The following PPIG variants were observed in gnomAD, a reference collection of about 807,000 sequenced individuals.
PPIG encodes the protein peptidyl-prolyl cis-trans isomerase G.
In PPIG, 26 loss-of-function variants were observed where a neutral mutation model predicts 87.9. The observed-to-expected ratio is 0.30, with a 90% CI of 0.22 to 0.41. The LOEUF is 0.41. Ranked by LOEUF, PPIG falls within the 10% of genes least tolerant of loss-of-function variation. The pLI, the probability that PPIG is intolerant of heterozygous loss-of-function variation, is 1.00. For synonymous variants in PPIG, 308 were observed against 276.5 expected, an observed-to-expected ratio of 1.11 and a Z score of -1.13; for missense variants, 722 against 879.4, an observed-to-expected ratio of 0.82 and a Z score of 2.26.
rs1421079906 is a variant in PPIG, at chr2:169,637,614, T to C, written c.*91T>C. On this transcript the variant is annotated 3_prime_UTR_variant, in exon 14 of 14. Coordinates refer to ENST00000260970, the MANE Select transcript of PPIG (RefSeq NM_004792.3). ...CTCCTTTATGTTGTTTTCCTTTTCA[T>C]TGTTTTTGGATTGTTTTATGTTTGT... is the stretch of plus-strand genomic sequence containing the variant. The C allele has an allele frequency of 4.6e-6, 6 of 1,307,012 alleles. No individual in the cohort carries two copies. In the East Asian group the frequency reaches 1.4e-4, roughly 31 times the overall value. The allele number at this position is 1,307,012 out of a possible 1,614,324, so 81.0% of individuals were successfully genotyped here.
intron 6 of PPIG, among the ~76,000 whole-genome samples, chr2:169,608,454 C>G (rs1559180692): frequency 6.6e-6 from 1 of 151,508 alleles, no homozygotes. Flanking sequence ...TGGGCCACTG[C>G]ACTCCAGCCT....
In PPIG at chr2:169,631,125, A is replaced by G. The variant is rs770753128; in HGVS notation, c.761+138A>G. On this transcript the variant is annotated intron_variant, in intron 10 of 13. Transcript: ENST00000260970. ...TGGAGCGTAGGACTTTTGATATTCC[A>G]CAGTCTATAGATTAAATTTTGGGTA... 43 of 803,472 alleles carry G rather than the reference A, an allele frequency of 5.4e-5. No individual in the cohort carries two copies. The Middle Eastern group carries it at 5.2e-3, about 98-fold the overall frequency. 49.8% of individuals were successfully genotyped at this position (803,472 alleles called of 1,614,324 possible).
At chr2:169,593,650 C>CTTTTTTT (rs57902378) in intron 1 of PPIG, among the ~76,000 whole-genome samples, 2 of 106,204 alleles carry the variant, frequency 1.9e-5, no homozygotes, top group Non-Finnish European at 3.6e-5. Context: ...TGCTTTATAT[C>CTTTTTTT]TTTTTTTTTT....
chr2:169,607,750 G>A (rs115597105), intron 6 of PPIG, among the ~76,000 whole-genome samples: 1,843 of 152,256 alleles, frequency 0.012, 53 homozygotes, highest in African/African-American at 0.043. Context: ...CTCCTTTTGC[G>A]GTAAGTGATG....
chr2:169,621,928 C>CA (rs1256622398), intron 9 of PPIG, among the ~76,000 whole-genome samples: 55 of 103,278 alleles, frequency 5.3e-4, no homozygotes, highest in South Asian at 1.0e-3. Flanking sequence ...TCTTCCCTAC[C>CA]AAAAAAAAAA....
intron 1 of PPIG, among the ~76,000 whole-genome samples, chr2:169,590,137 A>AAG (rs747390448): frequency 2.0e-5 from 3 of 151,916 alleles, no homozygotes; most frequent in East Asian, 1.9e-4. Flanking sequence ...ACCAAAAAAA[A>AAG]AAAAGAAAAG....
rs1686213092 is a variant in PPIG, at chr2:169,637,463, AAAAAAT to A, written c.2211_2216del (p.Asn737_Lys738del). The stretch of plus-strand genomic sequence containing the variant: ...GTCAAGAAAATGACCATGTACATGA[AAAAAAT>A]AAAAAATTTGATCATGAATCAAGCC... On this transcript the variant is annotated inframe_deletion, in exon 14 of 14. Transcript: ENST00000260970. 5.6e-6 allele frequency: 9 copies of A among 1,604,224 alleles called. No individual in the cohort carries two copies. In the East Asian group the frequency reaches 2.0e-4, roughly 36 times the overall value.
chr2:169,610,958 C>T (rs187546619), intron 7 of PPIG, among the ~76,000 whole-genome samples: 2 of 152,286 alleles, frequency 1.3e-5, no homozygotes, highest in Admixed American at 6.5e-5. Flanking sequence ...GTAATCCCAA[C>T]ACTTTGGGAA....
At chr2:169,606,017 T>C in intron 4 of PPIG, 22 bp from the exon 5 acceptor site, 1 of 1,521,024 alleles carries the variant, frequency 6.6e-7, no homozygotes, top group Non-Finnish European at 9.1e-7. Flanking sequence ...CTATTAAATG[T>C]CCTATTTTTT....
At position 169,627,241 on chromosome 2, in the gene PPIG, C is replaced by T. The variant is rs1191500844; in HGVS notation, c.548-3533C>T. On this transcript the variant is annotated intron_variant, in intron 9 of 13. Transcript: ENST00000260970. ...AGCCTCCCTAGTAGCTGGGATTACG[C>T]GTGTGCACCACCACACTTGGCTAAT... Among the ~76,000 whole-genome samples, 8 of 151,746 alleles carry T rather than the reference C, an allele frequency of 5.3e-5. No homozygotes were observed. The East Asian group carries it at 1.2e-3, about 22-fold the overall frequency.
chr2:169,610,972 G>T (rs920748154), intron 7 of PPIG, among the ~76,000 whole-genome samples: 1 of 152,150 alleles, frequency 6.6e-6, no homozygotes, highest in Non-Finnish European at 1.5e-5. Context: ...TTGGGAAGCC[G>T]AGGTGGCGGG....
intron 1 of PPIG, among the ~76,000 whole-genome samples, chr2:169,602,084 AATT>A (rs905082316): frequency 2.0e-5 from 3 of 152,178 alleles, no homozygotes; most frequent in Non-Finnish European, 4.4e-5. Context: ...TCATGCACAA[AATT>A]ATTTTTTAAG....
chr2:169,611,272 GACAC>G (rs1485415625), intron 7 of PPIG, among the ~76,000 whole-genome samples: 1 of 152,026 alleles, frequency 6.6e-6, no homozygotes, highest in Non-Finnish European at 1.5e-5. Flanking sequence ...ACACAGATAA[GACAC>G]ACACACAAAA....
At chr2:169,627,181 C>G (rs1236917959) in intron 9 of PPIG, among the ~76,000 whole-genome samples, 5 of 152,210 alleles carry the variant, frequency 3.3e-5, no homozygotes, top group Non-Finnish European at 7.3e-5. Context: ...TTACTGCAAT[C>G]TCCACCTTTG....
chr2:169,622,154 C>T (rs1685775339), intron 9 of PPIG, among the ~76,000 whole-genome samples: 1 of 152,116 alleles, frequency 6.6e-6, no homozygotes, highest in African/African-American at 2.4e-5. Context: ...CAGGCTCTGG[C>T]TTACGCCTGT....
chr2:169,637,658 G>A lies in PPIG; in HGVS notation c.*135G>A. On this transcript the variant is annotated 3_prime_UTR_variant, in exon 14 of 14. Transcript: ENST00000260970. ...TGTTTGTCCTTTTTTTTCTTAATGT[G>A]GATTTCATTGAGTTGATTTTTTGAT... The A allele has an allele frequency of 1.1e-6, 1 of 894,554 alleles. No homozygotes were observed. Among genetic ancestry groups the A allele is most frequent in the South Asian group, 2.3e-5 (1 of 44,390 alleles). 55.4% of individuals were successfully genotyped at this position (894,554 alleles called of 1,614,324 possible). A position where few individuals can be genotyped will look rare whatever the true frequency, so the allele number is the denominator to read the frequency against.
Position 169,641,392 on chromosome 2 carries a change from CTATACTA to C in PPIG, c.*3872_*3878del, listed in dbSNP as rs1312098908. 6.6e-6 allele frequency: 1 copy of C among 152,056 alleles called. No homozygotes were observed. The highest frequency in any genetic ancestry group is 1.5e-5 in the Non-Finnish European group (1 of 67,988). The allele number at this position is 152,056 out of a possible 1,614,324, so 9.4% of individuals were successfully genotyped here. A position where few individuals can be genotyped will look rare whatever the true frequency, so the allele number is the denominator to read the frequency against. ...ATAGTTAAACATTGTATTAAATAAACTATACTATAATAAACAGTTTGGTTTTGTATTT... is the reference window on the plus strand; with the variant it reads ...ATAGTTAAACATTGTATTAAATAAACTAATAAACAGTTTGGTTTTGTATTT... On this transcript the variant is annotated 3_prime_UTR_variant, in exon 14 of 14. Transcript: ENST00000260970.
At chr2:169,636,025 C>T in intron 12 of PPIG, 67 bp from the exon 13 acceptor site, 1 of 1,306,606 alleles carries the variant, frequency 7.7e-7, no homozygotes. Flanking sequence ...TTCCCTCCCT[C>T]CCAGCACCCA....
chr2:169,591,067 C>T (rs1394553111), intron 1 of PPIG, among the ~76,000 whole-genome samples: 1 of 152,184 alleles, frequency 6.6e-6, no homozygotes, highest in African/African-American at 2.4e-5. Flanking sequence ...GCTATGCTGA[C>T]TTCCTCATAA....
Sources: allele counts gnomAD v4.1 joint callset (sites outside exome capture counted in the v4.1 genomes callset), GRCh38; gene constraint gnomAD v4.1.1; transcripts MANE v1.5; gene names NCBI Gene and HGNC (gene_info 2026-07-23, HGNC 2026-07-21).